Variants in PARP11 observed in about 807,000 individuals in gnomAD.
PARP11 encodes poly(ADP-ribose) polymerase family member 11.
Under a neutral mutation model 42.9 loss-of-function variants are expected in PARP11, and 31 were observed. The ratio of observed to expected loss-of-function variants is 0.72; its 90% CI spans 0.54 to 0.98. PARP11 has a LOEUF of 0.98. PARP11 is among the 50% of genes least tolerant of loss of function. PARP11 has a pLI of 0.00. For synonymous variants in PARP11, 137 were observed against 127.3 expected (o/e 1.08, Z -0.51); for missense variants, 365 against 413.1 (o/e 0.88, Z 1.01).
intron 1 of PARP11, among the ~76,000 whole-genome samples, chr12:3,831,923 G>A (rs566543228): frequency 2.0e-5 from 3 of 152,140 alleles, no homozygotes; most frequent in East Asian, 1.9e-4. Context: ...AAGAAAGTGT[G>A]ACCTAAATTT....
intron 1 of PARP11, chr12:3,872,825 C>G: frequency 2.0e-6 from 2 of 985,182 alleles, no homozygotes; most frequent in South Asian, 4.7e-5. Flanking sequence ...AGTCGGGAGG[C>G]TGAGGCACGA....
At chr12:3,827,322 A>G (rs995214833) in intron 3 of PARP11, among the ~76,000 whole-genome samples, 5 of 152,212 alleles carry the variant, frequency 3.3e-5, no homozygotes, top group African/African-American at 4.8e-5. Context: ...TAATAATGAT[A>G]TTTTTAATAA....
chr12:3,846,105 TTC>T (rs1222910315), intron 1 of PARP11, among the ~76,000 whole-genome samples: 1 of 152,232 alleles, frequency 6.6e-6, no homozygotes, highest in African/African-American at 2.4e-5. Flanking sequence ...GTACTTTATA[TTC>T]TTTATCATAT....
At chr12:3,812,478 G>C (rs372488017) in intron 7 of PARP11, 39 bp from the exon 8 acceptor site, 2 of 1,458,166 alleles carry the variant, frequency 1.4e-6, no homozygotes, top group Non-Finnish European at 9.4e-7. Flanking sequence ...AGATTACTCC[G>C]AAGAATATAT....
chr12:3,859,383 T>A (rs560156159), intron 1 of PARP11, among the ~76,000 whole-genome samples: 5 of 151,404 alleles, frequency 3.3e-5, no homozygotes, highest in African/African-American at 1.2e-4. Context: ...ACCAACACGG[T>A]GAAACCCTGT....
intron 1 of PARP11, among the ~76,000 whole-genome samples, chr12:3,846,804 G>A (rs1399298659): frequency 6.8e-6 from 1 of 146,134 alleles, no homozygotes; most frequent in East Asian, 2.1e-4. Context: ...ACTTGAATAG[G>A]ATGGGTGCAG....
Position 3,861,867 on chromosome 12 carries a change from AC to A in PARP11, c.18+11344del, listed in dbSNP as rs1317733305. 1.3e-5 allele frequency among the ~76,000 whole-genome samples: 2 copies of A among 152,202 alleles called. No individual in the cohort carries two copies. The highest frequency in any genetic ancestry group is 3.9e-4 in the East Asian group (2 of 5,158). On this transcript the variant is annotated intron_variant, in intron 1 of 7. Coordinates refer to ENST00000228820, the MANE Select transcript of PARP11 (RefSeq NM_020367.6). This position sits in a 1 kb window ranked among gnomAD's most constrained non-coding sequence, Gnocchi z 4.6. Reference sequence around the variant, plus strand: ...GTGAAACCCCGTCTCTACCAAAAATACAAAAAAATTAGCCAGGCGTGGTGGA... The same window carrying A: ...GTGAAACCCCGTCTCTACCAAAAATAAAAAAAATTAGCCAGGCGTGGTGGA...
At chr12:3,824,851 C>T (rs758606394) in intron 4 of PARP11, among the ~76,000 whole-genome samples, 1 of 152,044 alleles carries the variant, frequency 6.6e-6, no homozygotes, top group Non-Finnish European at 1.5e-5. Context: ...ATTATTTGTA[C>T]TAAAGAATGT....
At chr12:3,845,672 G>C (rs1296285106) in intron 1 of PARP11, among the ~76,000 whole-genome samples, 1 of 152,146 alleles carries the variant, frequency 6.6e-6, no homozygotes, top group Non-Finnish European at 1.5e-5. Flanking sequence ...ACTGTGTTTT[G>C]CTTCCTACTT....
intron 1 of PARP11, among the ~76,000 whole-genome samples, chr12:3,866,504 G>A (rs1382244750): frequency 6.6e-6 from 1 of 152,114 alleles, no homozygotes; most frequent in Non-Finnish European, 1.5e-5. Context: ...TGAAATGTAA[G>A]ATTAATAATT....
chr12:3,831,289 A>C (rs1480952880), intron 1 of PARP11, among the ~76,000 whole-genome samples: 2 of 152,140 alleles, frequency 1.3e-5, no homozygotes, highest in African/African-American at 4.8e-5. Context: ...ATAATTATAC[A>C]CACATAAAAA....
intron 4 of PARP11, among the ~76,000 whole-genome samples, chr12:3,823,180 G>GA (rs1186369511): frequency 6.6e-6 from 1 of 152,060 alleles, no homozygotes. Context: ...TTATTTTAAT[G>GA]AAAAAAATCA....
At chr12:3,813,281 T>C (rs1175659721) in intron 7 of PARP11, among the ~76,000 whole-genome samples, 1 of 152,232 alleles carries the variant, frequency 6.6e-6, no homozygotes, top group East Asian at 1.9e-4. Context: ...AACAATTCAG[T>C]AATATTTCTG....
At chr12:3,839,584 G>A in intron 1 of PARP11, 1 of 1,339,090 alleles carries the variant, frequency 7.5e-7, no homozygotes, top group East Asian at 2.3e-5. Context: ...AAAGCGCTTG[G>A]AAAATCCACA....
Position 3,812,419 on chromosome 12 carries a change from C to G in PARP11, c.721G>C (p.Ala241Pro). The change falls in exon 8 of 8, where the codon GCT becomes CCT. Residue 241 changes from alanine to proline, a missense_variant. Physicochemically the swap from Ala to Pro is conservative, Grantham distance 27 (BLOSUM62 -1). Coordinates refer to ENST00000228820, the MANE Select transcript of PARP11 (RefSeq NM_020367.6). ...TTGCAGAAACGACTGGAATAAGCAGCATCTCTAGCAAAATAGGTTCCTTAA... is the reference window on the plus strand; with the variant it reads ...TTGCAGAAACGACTGGAATAAGCAGGATCTCTAGCAAAATAGGTTCCTTAA... ...FGKGTYFARD[A>P]AYSSRFCKDD... is the part of the protein sequence containing the mutation. The G allele has an allele frequency of 2.5e-6, 4 of 1,609,046 alleles. No homozygotes were observed.
intron 7 of PARP11, among the ~76,000 whole-genome samples, chr12:3,813,507 T>C (rs1947224329): frequency 6.6e-6 from 1 of 152,244 alleles, no homozygotes; most frequent in Non-Finnish European, 1.5e-5. Flanking sequence ...TTGCAAAGTC[T>C]CATATTTACC....
rs756897828 is a variant in PARP11, at chr12:3,828,897, G to GA, written c.268+12dup. ...ATACTAAAAACACACAACTATTAGGGAAAAAAACATACCTGCAAAGTCTAT... is the reference window on the plus strand; with the variant it reads ...ATACTAAAAACACACAACTATTAGGGAAAAAAAACATACCTGCAAAGTCTAT... On this transcript the variant is annotated intron_variant, in intron 3 of 7. Transcript: ENST00000228820. 6.2e-7 allele frequency: 1 copy of GA among 1,611,760 alleles called. No homozygotes were observed. The highest frequency in any genetic ancestry group is 8.5e-7 in the Non-Finnish European group (1 of 1,178,488).
chr12:3,818,344 C>T (rs987491828), intron 6 of PARP11, among the ~76,000 whole-genome samples: 1 of 152,166 alleles, frequency 6.6e-6, no homozygotes, highest in Non-Finnish European at 1.5e-5. Context: ...CTCCTCTTTT[C>T]GTCCTCTACC....
intron 4 of PARP11, chr12:3,824,451 A>G (rs1214021933): frequency 5.6e-6 from 1 of 177,170 alleles, no homozygotes; most frequent in East Asian, 1.9e-4. Context: ...CAACAGCCTT[A>G]AAGAACTCCT....
Sources: allele counts gnomAD v4.1 joint callset (sites outside exome capture counted in the v4.1 genomes callset), GRCh38; gene constraint gnomAD v4.1.1; non-coding constraint Gnocchi (gnomAD v3.1); transcripts MANE v1.5; gene names NCBI Gene and HGNC (gene_info 2026-07-23, HGNC 2026-07-21).